DMD: variants seen among roughly 807,000 people sequenced by gnomAD.
DMD encodes dystrophin, also known as mutant dystrophin.
Under a neutral mutation model 330.1 loss-of-function variants are expected in DMD, and 63 were observed. That is an observed-to-expected ratio of 0.19 (90% CI 0.16 to 0.24). The LOEUF is 0.24. Among genes scored for constraint, DMD ranks in the 10% least tolerant of loss-of-function variants. The pLI is 1.00. For missense variants in DMD, 3,344 were observed against 2,684.1 expected (o/e 1.25, Z -5.43); for synonymous variants, 1,223 against 959.8 (o/e 1.27, Z -5.07).
chrX:31,507,618 C>T (rs747921772), intron 55 of DMD, among the ~76,000 whole-genome samples, 165 bp from the exon 56 acceptor site: 6 of 112,253 alleles, frequency 5.3e-5, no homozygotes, highest in South Asian at 3.7e-4. Context: ...CTTTTCTTGG[C>T]GTATTGCCTT....
At chrX:33,041,468 T>C in intron 1 of DMD, 1 of 1,204,883 alleles carries the variant, frequency 8.3e-7, no homozygotes. Flanking sequence ...TAAAAAGTGA[T>C]GTATGAAAAA....
chrX:32,361,634 T>G (rs939652291), intron 37 of DMD, among the ~76,000 whole-genome samples: 1 of 112,011 alleles, frequency 8.9e-6, no homozygotes. Flanking sequence ...TTTTGAAAAC[T>G]ACTTTAAATA....
intron 43 of DMD, among the ~76,000 whole-genome samples, chrX:32,253,386 T>C (rs757875519): frequency 2.7e-5 from 3 of 110,703 alleles, no homozygotes; most frequent in African/African-American, 9.9e-5. Flanking sequence ...CTGTGTGCTA[T>C]TCAAATTTCT....
intron 62 of DMD, among the ~76,000 whole-genome samples, chrX:31,321,476 T>G (rs941018906): frequency 9.6e-6 from 1 of 104,259 alleles, no homozygotes; most frequent in Admixed American, 1.1e-4. Context: ...TCTCAGCTAC[T>G]CGGGAGCTAA....
intron 41 of DMD, among the ~76,000 whole-genome samples, chrX:32,340,569 C>T (rs1026976687): frequency 2.7e-5 from 3 of 111,113 alleles, no homozygotes; most frequent in South Asian, 3.7e-4. Context: ...TAGTTTGTAA[C>T]GAATTTTAAA....
chrX:31,631,558 G>A (rs907214693), intron 54 of DMD, among the ~76,000 whole-genome samples: 3 of 111,158 alleles, frequency 2.7e-5, no homozygotes, highest in Non-Finnish European at 5.7e-5. Flanking sequence ...GAGGCGGAGG[G>A]TTGATTGTGT....
intron 62 of DMD, among the ~76,000 whole-genome samples, chrX:31,308,853 CT>C (rs2074776868): frequency 9.0e-6 from 1 of 111,184 alleles, no homozygotes; most frequent in East Asian, 2.8e-4. Flanking sequence ...CCTCAGCCTC[CT>C]GAGTAGTGGG....
chrX:32,537,184 G>A (rs1195003100), intron 17 of DMD, among the ~76,000 whole-genome samples: 1 of 111,009 alleles, frequency 9.0e-6, no homozygotes, highest in Non-Finnish European at 1.9e-5. Flanking sequence ...AGAGTTATAC[G>A]ATCTAAACTC....
At chrX:32,563,990 T>A (rs753419371) in intron 16 of DMD, among the ~76,000 whole-genome samples, 14 of 111,888 alleles carry the variant, frequency 1.3e-4, no homozygotes, top group African/African-American at 4.2e-4. Flanking sequence ...AATAGTCTTA[T>A]TTACTGCTCA....
intron 2 of DMD, among the ~76,000 whole-genome samples, chrX:33,001,040 C>G: frequency 9.0e-6 from 1 of 111,424 alleles, no homozygotes; most frequent in Non-Finnish European, 1.9e-5. Flanking sequence ...GCCAGCTACT[C>G]TTCTAATAAT....
At chrX:31,296,832 T>C (rs2054224294) in intron 62 of DMD, among the ~76,000 whole-genome samples, 1 of 111,931 alleles carries the variant, frequency 8.9e-6, no homozygotes. Flanking sequence ...CTTTAGCTTT[T>C]ATATTCTACA....
chrX:32,935,434 A>C (rs1448467187), intron 2 of DMD, among the ~76,000 whole-genome samples: 1 of 112,037 alleles, frequency 8.9e-6, no homozygotes, highest in Non-Finnish European at 1.9e-5. Context: ...CTTTAAGAAA[A>C]TGTTTGTGGA....
intron 44 of DMD, among the ~76,000 whole-genome samples, chrX:32,102,822 C>T (rs929750290): frequency 9.0e-6 from 1 of 111,299 alleles, no homozygotes; most frequent in African/African-American, 3.3e-5. Context: ...TGAAAATTCC[C>T]CAATTTATAA....
chrX:32,598,802 G>C (rs924825292), intron 12 of DMD, among the ~76,000 whole-genome samples: 3 of 111,568 alleles, frequency 2.7e-5, no homozygotes, highest in African/African-American at 6.5e-5. Context: ...TTTTATGCTT[G>C]GCAGAAGTGC....
chrX:31,979,722 T>G (rs757528958), intron 44 of DMD, among the ~76,000 whole-genome samples: 1 of 112,551 alleles, frequency 8.9e-6, no homozygotes, highest in East Asian at 2.8e-4. Context: ...ACAGAGCTTT[T>G]ACAAAGCTAA....
At chrX:31,703,020 A>AT (rs1310037219) in intron 52 of DMD, among the ~76,000 whole-genome samples, 2 of 109,243 alleles carry the variant, frequency 1.8e-5, no homozygotes, top group Admixed American at 9.7e-5. Context: ...ATGCCCAGCT[A>AT]TTTTTTTGTA....
chrX:33,141,395 G>A (rs2047790872), intron 1 of DMD, among the ~76,000 whole-genome samples: 5 of 111,078 alleles, frequency 4.5e-5, no homozygotes, highest in Admixed American at 1.9e-4. Context: ...GTGTGACCTC[G>A]CTACTGGTCA....
At chrX:32,221,527 T>G (rs1181391140) in intron 43 of DMD, among the ~76,000 whole-genome samples, 1 of 111,956 alleles carries the variant, frequency 8.9e-6, no homozygotes, top group Non-Finnish European at 1.9e-5. Flanking sequence ...AAATTTCTTT[T>G]TTTACATCTT....
chrX:31,633,431 T>C (rs2079236000), intron 54 of DMD, among the ~76,000 whole-genome samples: 2 of 111,900 alleles, frequency 1.8e-5, no homozygotes, highest in Non-Finnish European at 3.8e-5. Context: ...AATTCATCCA[T>C]GCATCCATTC....
Sources: gnomAD v4.1 joint callset for allele counts (sites outside exome capture counted in the v4.1 genomes callset) on GRCh38, gnomAD v4.1.1 for gene constraint, MANE v1.5 for transcripts, NCBI Gene and HGNC (gene_info 2026-07-23, HGNC 2026-07-21) for gene names.